FANCD2OS: variants seen among roughly 807,000 people sequenced by gnomAD.
FANCD2OS encodes the protein FANCD2 opposite strand, also known as FANCD2 opposite strand protein.
FANCD2OS carries 11 observed loss-of-function variants against 13.2 expected under a neutral mutation model. The ratio of observed to expected loss-of-function variants is 0.83; its 90% CI spans 0.52 to 1.38. The LOEUF (loss-of-function observed/expected upper bound fraction) is 1.38. Ranked by LOEUF, FANCD2OS falls within the 40% of genes most tolerant of loss-of-function variation. The pLI, the probability that FANCD2OS is intolerant of heterozygous loss-of-function variation, is 0.00. For synonymous variants in FANCD2OS, 69 were observed against 84.5 expected (o/e 0.82, Z 1.01); for missense variants, 217 against 213.9 (o/e 1.01, Z -0.09).
intron 2 of FANCD2OS, among the ~76,000 whole-genome samples, chr3:10,083,380 A>G (rs1186898246): frequency 6.6e-6 from 1 of 152,246 alleles, no homozygotes; most frequent in East Asian, 1.9e-4. Context: ...AGATAGCACA[A>G]CACACTCACT....
chr3:10,087,927 G>A (rs879353792), intron 2 of FANCD2OS, among the ~76,000 whole-genome samples: 11 of 152,158 alleles, frequency 7.2e-5, no homozygotes, highest in Non-Finnish European at 1.2e-4. Context: ...GATTACAGAC[G>A]TGAGCCACTG....
At chr3:10,099,194 A>G (rs1695158042), downstream of FANCD2OS, 3 of 1,392,526 alleles carry the variant, frequency 2.2e-6, no homozygotes, top group Non-Finnish European at 2.8e-6. Context: ...ATACAAAAAT[A>G]GAAATGTGAA....
intron 1 of FANCD2OS, among the ~76,000 whole-genome samples, chr3:10,107,494 G>A (rs1166097406): frequency 1.3e-5 from 2 of 151,904 alleles, no homozygotes; most frequent in Non-Finnish European, 2.9e-5. Context: ...CACCGTGTTA[G>A]CCAGGATGGT....
chr3:10,095,285 G>T (rs1694886951), intron 2 of FANCD2OS: 2 of 1,612,834 alleles, frequency 1.2e-6, no homozygotes, highest in Non-Finnish European at 1.7e-6. Context: ...GTAAGAAGGG[G>T]AGCAGGTTCT....
chr3:10,087,329 C>T (rs1575841413), intron 2 of FANCD2OS: 9 of 1,466,718 alleles, frequency 6.1e-6, no homozygotes, highest in East Asian at 2.4e-5. Flanking sequence ...CTCACACTTA[C>T]AAACTTTGGG....
At chr3:10,101,569 A>G, downstream of FANCD2OS, 1 of 407,592 alleles carries the variant, frequency 2.5e-6, no homozygotes, top group South Asian at 2.4e-5. Flanking sequence ...TATTTTTAGT[A>G]GATACGGGGT....
In FANCD2OS at chr3:10,104,479, A is replaced by C; in HGVS notation, c.296T>G (p.Val99Gly). Residue 99 changes from valine (V) to glycine (G), a missense_variant, in exon 2 of 2, where the codon GTA (valine) becomes GGA (glycine). Val to Gly is a moderately radical substitution (Grantham distance 109). Transcript: ENST00000450660. ...GATAACCCTGCCAAAGACAGAATCT[A>C]CTCCACTGAGGCGGATGGGCTGGGG... Reference protein sequence around the residue: ...RKPQPIRLSGVDSVFGRVITA... With the variant: ...RKPQPIRLSGGDSVFGRVITA... The C allele has an allele frequency of 6.2e-7, 1 of 1,613,782 alleles. No individual in the cohort carries two copies. The highest frequency in any genetic ancestry group is 2.2e-5 in the East Asian group (1 of 44,866).
At chr3:10,089,753 C>A (rs1451878874) in intron 2 of FANCD2OS, among the ~76,000 whole-genome samples, 2 of 152,190 alleles carry the variant, frequency 1.3e-5, no homozygotes, top group African/African-American at 4.8e-5. Context: ...CAGGCATGAG[C>A]CATTGTGCCC....
At chr3:10,097,089 G>A (rs1411476120) in intron 2 of FANCD2OS, among the ~76,000 whole-genome samples, 1 of 152,212 alleles carries the variant, frequency 6.6e-6, no homozygotes, top group Admixed American at 6.5e-5. Flanking sequence ...TTCAAAAGGG[G>A]AGGGAGTGTG....
rs761561571 is a variant in FANCD2OS, at chr3:10,103,981, G to A, written c.*260C>T. ...CATTGGTTTATATCATTTGTTTAAC[G>A]GTTATCACATGGACATGTCAATGCT... On this transcript the variant is annotated 3_prime_UTR_variant, in exon 2 of 2. Coordinates refer to ENST00000450660, the MANE Select transcript of FANCD2OS (RefSeq NM_001164839.2). 3.3e-5 allele frequency: 15 copies of A among 448,172 alleles called. No homozygotes were observed. Among genetic ancestry groups the A allele is most frequent in the Admixed American group, 1.2e-4 (3 of 24,776 alleles). 27.8% of individuals were successfully genotyped at this position (448,172 alleles called of 1,614,324 possible).
At chr3:10,089,182 G>A (rs1694426069) in intron 2 of FANCD2OS, among the ~76,000 whole-genome samples, 1 of 152,060 alleles carries the variant, frequency 6.6e-6, no homozygotes, top group South Asian at 2.1e-4. Context: ...CTACTTAGGA[G>A]GCTGAGGTAG....
rs1694762337 is a variant in FANCD2OS at position 10,093,318 on chromosome 3, T to C, written c.*43+10880A>G. The C allele has an allele frequency of 6.2e-7, 1 of 1,612,390 alleles. No individual in the cohort carries two copies. The highest frequency in any genetic ancestry group is 1.3e-5 in the African/African-American group (1 of 74,892). Reference sequence around the variant, plus strand: ...TAGTCATCCTGTTCTGCATGTATGTTTGAAGGTGAGAGATTTACTGGGCCC... The same window carrying C: ...TAGTCATCCTGTTCTGCATGTATGTCTGAAGGTGAGAGATTTACTGGGCCC... On this transcript the variant is annotated intron_variant, in intron 2 of 2. Transcript: ENST00000524279.
At chr3:10,103,094 TAA>T (rs111889470), downstream of FANCD2OS, 75,075 of 401,092 alleles carry the variant, frequency 0.19, 5,649 homozygotes, top group African/African-American at 0.35. Flanking sequence ...CCATCTCTAC[TAA>T]AAAAAAAAAA....
At chr3:10,094,935 TG>T in intron 2 of FANCD2OS, 2 of 491,888 alleles carry the variant, frequency 4.1e-6, no homozygotes, top group Non-Finnish European at 7.4e-6. Context: ...ATGTTGCAGA[TG>T]GGAAAACTGA....
intron 2 of FANCD2OS, among the ~76,000 whole-genome samples, chr3:10,097,339 T>C (rs943861371): frequency 6.6e-6 from 1 of 152,178 alleles, no homozygotes; most frequent in African/African-American, 2.4e-5. Context: ...CTGGGAGCGC[T>C]ATAGGAGACT....
intron 2 of FANCD2OS, chr3:10,094,442 G>A (rs1425125567): frequency 7.3e-6 from 9 of 1,224,750 alleles, no homozygotes; most frequent in Non-Finnish European, 1.1e-5. Context: ...TCCTGGGTGG[G>A]GCTGGGAGTG....
At chr3:10,082,760 C>T (rs6791810) in intron 2 of FANCD2OS, among the ~76,000 whole-genome samples, 34,180 of 152,058 alleles carry the variant, frequency 0.22, 4,976 homozygotes, top group African/African-American at 0.42. Context: ...GGTATCCGTT[C>T]GTGATAAAAC....
At chr3:10,107,583 G>A (rs1453012961) in intron 1 of FANCD2OS, among the ~76,000 whole-genome samples, 1 of 151,846 alleles carries the variant, frequency 6.6e-6, no homozygotes, top group Non-Finnish European at 1.5e-5. Flanking sequence ...ACCGGGCCCG[G>A]GCCCCCCGGA....
downstream of FANCD2OS, chr3:10,099,370 C>A (rs1695167666): frequency 2.2e-5 from 25 of 1,151,246 alleles, no homozygotes; most frequent in Non-Finnish European, 2.7e-5. Flanking sequence ...TGCTTGTAAT[C>A]CTAGCACTTT....
Sources: allele counts gnomAD v4.1 joint callset (sites outside exome capture counted in the v4.1 genomes callset), GRCh38; gene constraint gnomAD v4.1.1; transcripts MANE v1.5; gene names NCBI Gene and HGNC (gene_info 2026-07-23, HGNC 2026-07-21).